C8orf34: variants seen among roughly 807,000 people sequenced by gnomAD.
The protein encoded by C8orf34 is chromosome 8 open reading frame 34, also known as uncharacterized protein C8orf34.
In C8orf34, 65 loss-of-function variants were observed where a neutral mutation model predicts 68.3. That is an observed-to-expected ratio of 0.95 (90% CI 0.78 to 1.17). The LOEUF (loss-of-function observed/expected upper bound fraction) is 1.17. C8orf34 is among the 50% of genes most tolerant of loss of function. The pLI is 0.00. For missense variants in C8orf34, 664 were observed against 655.4 expected (o/e 1.01, Z -0.14); for synonymous variants, 244 against 241.2 (o/e 1.01, Z -0.11).
intron 8 of C8orf34, among the ~76,000 whole-genome samples, chr8:68,701,570 G>A (rs1409503144): frequency 6.6e-6 from 1 of 151,804 alleles, no homozygotes; most frequent in East Asian, 1.9e-4. Context: ...CCATTTCTGA[G>A]CACCTCCAGC....
At chr8:68,741,574 T>A (rs1288255279) in intron 10 of C8orf34, among the ~76,000 whole-genome samples, 3 of 152,208 alleles carry the variant, frequency 2.0e-5, no homozygotes, top group South Asian at 4.1e-4. Context: ...TTGAACTATA[T>A]TTTTGAACCC....
At chr8:68,801,314 T>C (rs1824320023) in intron 12 of C8orf34, among the ~76,000 whole-genome samples, 1 of 152,194 alleles carries the variant, frequency 6.6e-6, no homozygotes, top group African/African-American at 2.4e-5. Flanking sequence ...GATACTCTCT[T>C]TGAAAAACAG....
At chr8:68,576,804 T>A (rs1816918280) in intron 7 of C8orf34, among the ~76,000 whole-genome samples, 1 of 151,964 alleles carries the variant, frequency 6.6e-6, no homozygotes, top group Non-Finnish European at 1.5e-5. Flanking sequence ...TTTCCACATT[T>A]GTAAATCAAA....
chr8:68,348,549 TG>T (rs1444479904), intron 1 of C8orf34, among the ~76,000 whole-genome samples: 7 of 152,172 alleles, frequency 4.6e-5, no homozygotes, highest in African/African-American at 1.7e-4. Context: ...TAAATTGCCT[TG>T]GGCAGTCTAG....
intron 10 of C8orf34, among the ~76,000 whole-genome samples, chr8:68,722,050 G>T (rs2129526489): frequency 6.6e-6 from 1 of 152,004 alleles, no homozygotes; most frequent in Admixed American, 6.6e-5. Context: ...TAATTTGCTA[G>T]GGCTGCCATA....
intron 7 of C8orf34, among the ~76,000 whole-genome samples, chr8:68,635,040 AG>A (rs1323203369): frequency 1.3e-5 from 2 of 152,156 alleles, no homozygotes; most frequent in Non-Finnish European, 2.9e-5. Flanking sequence ...TGGAAAAAAG[AG>A]GTGCTATCCA....
intron 1 of C8orf34, among the ~76,000 whole-genome samples, chr8:68,427,454 T>A (rs936242224): frequency 6.6e-6 from 1 of 152,180 alleles, no homozygotes; most frequent in African/African-American, 2.4e-5. Flanking sequence ...AAAAGATATA[T>A]ACTTCAATAT....
chr8:68,558,365 A>G (rs902454079), intron 7 of C8orf34, among the ~76,000 whole-genome samples: 3 of 134,206 alleles, frequency 2.2e-5, no homozygotes, highest in Non-Finnish European at 4.5e-5. Flanking sequence ...AAATTTTTCC[A>G]TTAAAAATGT....
intron 10 of C8orf34, among the ~76,000 whole-genome samples, chr8:68,749,446 A>G (rs1319251820): frequency 2.0e-5 from 3 of 152,246 alleles, no homozygotes; most frequent in Non-Finnish European, 4.4e-5. Context: ...AGCACAAAAT[A>G]AAAGCAAATA....
At chr8:68,748,882 A>G (rs1822601625) in intron 10 of C8orf34, among the ~76,000 whole-genome samples, 1 of 152,212 alleles carries the variant, frequency 6.6e-6, no homozygotes, top group Non-Finnish European at 1.5e-5. Flanking sequence ...CCATCCCATT[A>G]CTGGGTATAC....
intron 7 of C8orf34, among the ~76,000 whole-genome samples, chr8:68,576,771 A>G (rs1354954644): frequency 6.6e-6 from 1 of 152,032 alleles, no homozygotes; most frequent in East Asian, 1.9e-4. Context: ...TAAATTTAAA[A>G]TATATATAAC....
chr8:68,634,345 A>G lies in C8orf34; in HGVS notation c.1106-6031A>G, dbSNP rs528221218. Among the ~76,000 whole-genome samples, 260 of 152,368 alleles carry G rather than the reference A, an allele frequency of 1.7e-3. 1 individual carries two copies. The highest frequency in any genetic ancestry group is 5.0e-3 in the African/African-American group (207 of 41,592). ...AAAATAGTCAACATGCCAGAATGGC[A>G]TATTTTTACCTCCTTCAATACCATT... On this transcript the variant is annotated intron_variant, in intron 7 of 13. Coordinates refer to ENST00000518698, the MANE Select transcript of C8orf34 (RefSeq NM_052958.4).
At chr8:68,651,325 T>C (rs1445211137) in intron 8 of C8orf34, among the ~76,000 whole-genome samples, 1 of 152,222 alleles carries the variant, frequency 6.6e-6, no homozygotes, top group Admixed American at 6.5e-5. Context: ...TCCTGCAGTC[T>C]GTACTAGTCC....
At chr8:68,486,307 A>G (rs1813076641) in intron 4 of C8orf34, among the ~76,000 whole-genome samples, 1 of 152,138 alleles carries the variant, frequency 6.6e-6, no homozygotes, top group Non-Finnish European at 1.5e-5. Context: ...GATACAGCCC[A>G]GCTCCAATGC....
At chr8:68,389,619 G>A (rs1808399834) in intron 1 of C8orf34, among the ~76,000 whole-genome samples, 1 of 152,062 alleles carries the variant, frequency 6.6e-6, no homozygotes, top group African/African-American at 2.4e-5. Context: ...TATTGTAAAG[G>A]GCATGGGTGA....
intron 7 of C8orf34, among the ~76,000 whole-genome samples, chr8:68,553,683 C>T (rs983491019): frequency 6.6e-6 from 1 of 152,034 alleles, no homozygotes; most frequent in African/African-American, 2.4e-5. Flanking sequence ...TCCGTATGGT[C>T]AGTAGCCCCC....
chr8:68,615,618 T>C (rs1373582493), intron 7 of C8orf34, among the ~76,000 whole-genome samples: 11 of 152,154 alleles, frequency 7.2e-5, no homozygotes, highest in Admixed American at 1.3e-4. Context: ...ATTGAACCAG[T>C]CTTGCATCCC....
At chr8:68,556,500 G>A (rs1816258866) in intron 7 of C8orf34, among the ~76,000 whole-genome samples, 1 of 152,056 alleles carries the variant, frequency 6.6e-6, no homozygotes. Context: ...GGCTTGAAAT[G>A]CAGATTGTGA....
At chr8:68,748,718 A>T (rs1464486507) in intron 10 of C8orf34, among the ~76,000 whole-genome samples, 2 of 152,070 alleles carry the variant, frequency 1.3e-5, no homozygotes, top group Non-Finnish European at 2.9e-5. Flanking sequence ...AATGGCAATC[A>T]TTAAAAAGTC....
Sources: allele counts gnomAD v4.1 joint callset (sites outside exome capture counted in the v4.1 genomes callset), GRCh38; gene constraint gnomAD v4.1.1; transcripts MANE v1.5; gene names NCBI Gene and HGNC (gene_info 2026-07-23, HGNC 2026-07-21).